Variants in ERICH1 observed in about 807,000 individuals in gnomAD.
The protein encoded by ERICH1 is glutamate rich 1.
Under a neutral mutation model 39.6 loss-of-function variants are expected in ERICH1, and 56 were observed. That is an observed-to-expected ratio of 1.41 (90% confidence interval 1.14 to 1.77). The LOEUF (loss-of-function observed/expected upper bound fraction) is 1.77, where lower values mean the gene tolerates loss of function less well. Ranked by LOEUF, ERICH1 falls within the 40% of genes most tolerant of loss-of-function variation. The pLI is 0.00. For synonymous variants in ERICH1, 313 were observed against 223.6 expected (o/e 1.40, Z -3.57); for missense variants, 826 against 575.4 (o/e 1.44, Z -4.45).
At position 616,888 on chromosome 8, in the gene ERICH1, GACACACAC is replaced by G. The variant is rs374575773; in HGVS notation, c.977-1612_977-1605del. Among the ~76,000 whole-genome samples, 141 of 65,916 alleles carry G rather than the reference GACACACAC, an allele frequency of 2.1e-3. 12 individuals carry two copies. Among genetic ancestry groups the G allele is most frequent in the African/African-American group, 0.01 (122 of 11,642 alleles). The allele number at this position is 65,916 out of a possible 152,430, so 43.2% of individuals were successfully genotyped here. A position where few individuals can be genotyped will look rare whatever the true frequency, so the allele number is the denominator to read the frequency against. ...AGAGAGAGAGGGAGAGGGAGACAGA[GACACACAC>G]ACACACAGAGAGAGAGAGAGAGACA... On this transcript the variant is annotated intron_variant, in intron 3 of 3. Coordinates refer to the ERICH1 transcript ENST00000522706.
At chr8:662,140 A>C (rs1801510444), downstream of ERICH1, among the ~76,000 whole-genome samples, 2 of 151,796 alleles carry the variant, frequency 1.3e-5, no homozygotes, top group East Asian at 1.9e-4. Flanking sequence ...CCACATGTGA[A>C]CCACCATCCC....
At chr8:719,066 G>T (rs933806233) in intron 1 of ERICH1, among the ~76,000 whole-genome samples, 3 of 152,126 alleles carry the variant, frequency 2.0e-5, no homozygotes, top group Admixed American at 1.3e-4. Flanking sequence ...GCAGGTCCCA[G>T]ACTCACCTCC....
At chr8:629,105 C>A (rs985275610) in intron 3 of ERICH1, among the ~76,000 whole-genome samples, 1 of 152,182 alleles carries the variant, frequency 6.6e-6, no homozygotes, top group Non-Finnish European at 1.5e-5. Flanking sequence ...TAGGGACAAG[C>A]TCCTTTCTGT....
intron 1 of ERICH1, among the ~76,000 whole-genome samples, chr8:716,575 G>A (rs1003273283): frequency 3.3e-5 from 5 of 152,254 alleles, no homozygotes; most frequent in Non-Finnish European, 5.9e-5. Flanking sequence ...GTGGTTTAAC[G>A]ACTAAACAGA....
At chr8:630,580 CA>C (rs1797952012) in intron 3 of ERICH1, among the ~76,000 whole-genome samples, 1 of 109,282 alleles carries the variant, frequency 9.2e-6, no homozygotes, top group African/African-American at 4.0e-5. Context: ...ACCACCCACA[CA>C]GACAGAGCTG....
chr8:683,115 G>A (rs533002552), intron 3 of ERICH1, among the ~76,000 whole-genome samples: 1 of 152,110 alleles, frequency 6.6e-6, no homozygotes, highest in Non-Finnish European at 1.5e-5. Context: ...TCACAGACGC[G>A]GACACTCCGG....
intron 1 of ERICH1, among the ~76,000 whole-genome samples, chr8:719,881 C>T (rs1004619752): frequency 1.8e-4 from 28 of 152,176 alleles, no homozygotes; most frequent in African/African-American, 5.3e-4. Context: ...CAGGGTCCAC[C>T]GCAGTGTGGA....
intron 3 of ERICH1, among the ~76,000 whole-genome samples, chr8:639,407 A>G (rs1013239952): frequency 3.9e-5 from 6 of 152,236 alleles, no homozygotes; most frequent in Non-Finnish European, 7.3e-5. Context: ...AGTGATAGAG[A>G]AATAAATGAG....
chr8:699,101 G>T (rs750816741), intron 2 of ERICH1, among the ~76,000 whole-genome samples: 14 of 151,890 alleles, frequency 9.2e-5, no homozygotes, highest in Non-Finnish European at 4.4e-5. Context: ...CGCAACACAG[G>T]GAAACCCTGT....
intron 3 of ERICH1, among the ~76,000 whole-genome samples, chr8:653,969 T>C (rs1387147490): frequency 1.3e-5 from 2 of 152,160 alleles, no homozygotes; most frequent in African/African-American, 2.4e-5. Flanking sequence ...AGGGTGGCAC[T>C]GAGCAGAGGT....
intron 3 of ERICH1, among the ~76,000 whole-genome samples, chr8:688,093 C>T (rs532691350): frequency 1.6e-4 from 24 of 152,280 alleles, no homozygotes; most frequent in South Asian, 4.1e-4. Flanking sequence ...ATGCAGTTCC[C>T]GGCTGCAAAA....
At chr8:708,313 A>C (rs1288992491) in intron 2 of ERICH1, among the ~76,000 whole-genome samples, 1 of 152,168 alleles carries the variant, frequency 6.6e-6, no homozygotes, top group Admixed American at 6.5e-5. Flanking sequence ...TCGAAAACAT[A>C]CGTCCACACC....
intron 3 of ERICH1, among the ~76,000 whole-genome samples, chr8:653,831 G>C (rs1490531789): frequency 6.6e-6 from 1 of 151,284 alleles, no homozygotes. Flanking sequence ...GAGCCACAGA[G>C]ACAGAAAGTA....
intron 2 of ERICH1, among the ~76,000 whole-genome samples, chr8:705,299 G>C (rs1003097878): frequency 2.6e-5 from 4 of 152,244 alleles, no homozygotes; most frequent in African/African-American, 7.2e-5. Flanking sequence ...ACTCCTCCTG[G>C]ACGTGCATCT....
intron 3 of ERICH1, among the ~76,000 whole-genome samples, chr8:649,916 C>A (rs572391939): frequency 1.3e-5 from 2 of 152,192 alleles, no homozygotes; most frequent in Non-Finnish European, 2.9e-5. Flanking sequence ...GTGACAGGAC[C>A]GGGCCTGGGG....
chr8:655,752 C>T (rs901580806), intron 3 of ERICH1, among the ~76,000 whole-genome samples: 1 of 149,316 alleles, frequency 6.7e-6, no homozygotes, highest in African/African-American at 2.5e-5. Context: ...CTCTCTCATG[C>T]ACAGTCACAC....
At chr8:720,941 C>G (rs532382470) in intron 1 of ERICH1, among the ~76,000 whole-genome samples, 1 of 152,172 alleles carries the variant, frequency 6.6e-6, no homozygotes, top group Non-Finnish European at 1.5e-5. Flanking sequence ...GCACGTCCCG[C>G]ACAATGCTTC....
At chr8:671,143 C>T (rs71514182) in intron 4 of ERICH1, among the ~76,000 whole-genome samples, 3,777 of 149,862 alleles carry the variant, frequency 0.025, 38 homozygotes, top group African/African-American at 0.042. Flanking sequence ...GTGCCAGCCC[C>T]GGTTCTAATG....
chr8:714,986 G>A (rs1424544768), intron 2 of ERICH1, among the ~76,000 whole-genome samples: 1 of 152,132 alleles, frequency 6.6e-6, no homozygotes, highest in African/African-American at 2.4e-5. Flanking sequence ...GCTGCGCACA[G>A]CCGGTCTATT....
Sources: gnomAD v4.1 joint callset for allele counts (sites outside exome capture counted in the v4.1 genomes callset) on GRCh38, gnomAD v4.1.1 for gene constraint, MANE v1.5 for transcripts, NCBI Gene and HGNC (gene_info 2026-07-23, HGNC 2026-07-21) for gene names.